The following ZNF608 variants were observed in gnomAD, a reference collection of about 807,000 sequenced individuals.
ZNF608 encodes the protein zinc finger protein 608, also known as renal carcinoma antigen NY-REN-36.
ZNF608 carries 12 observed loss-of-function variants against 109.0 expected under a neutral mutation model. The observed-to-expected ratio is 0.11, with a 90% CI of 0.07 to 0.18. ZNF608 has a LOEUF of 0.18. Among genes scored for constraint, ZNF608 ranks in the 10% least tolerant of loss-of-function variants. The pLI is 1.00. For synonymous variants in ZNF608, 732 were observed against 717.4 expected, an observed-to-expected ratio of 1.02 and a Z score of -0.33; for missense variants, 1,707 against 1,879.3, an observed-to-expected ratio of 0.91 and a Z score of 1.70.
intron 3 of ZNF608, among the ~76,000 whole-genome samples, chr5:124,672,675 T>A (rs549369720): frequency 6.6e-6 from 1 of 152,266 alleles, no homozygotes; most frequent in Non-Finnish European, 1.5e-5. Flanking sequence ...ACCAATAAAA[T>A]AAAAATACTG....
intron 3 of ZNF608, among the ~76,000 whole-genome samples, chr5:124,680,133 C>T (rs932045381): frequency 1.3e-5 from 2 of 151,480 alleles, no homozygotes; most frequent in African/African-American, 2.4e-5. Context: ...ATCGCTGAAG[C>T]CACATTTGAA....
At chr5:124,691,113 C>A (rs77046512) in intron 3 of ZNF608, among the ~76,000 whole-genome samples, 1,985 of 152,156 alleles carry the variant, frequency 0.013, 52 homozygotes, top group African/African-American at 0.045. Context: ...CATAGTGAGA[C>A]CCCCGTCTCA....
intron 2 of ZNF608, among the ~76,000 whole-genome samples, chr5:124,742,191 A>T (rs1749439743): frequency 6.6e-6 from 1 of 152,242 alleles, no homozygotes; most frequent in Non-Finnish European, 1.5e-5. Flanking sequence ...GAAAGTGAAA[A>T]GAACACACAA....
intron 7 of ZNF608, among the ~76,000 whole-genome samples, chr5:124,642,844 GC>G (rs1750310116): frequency 6.6e-6 from 1 of 151,738 alleles, no homozygotes; most frequent in Non-Finnish European, 1.5e-5. Context: ...GATTACAGGT[GC>G]CCACTACCAC....
intron 3 of ZNF608, among the ~76,000 whole-genome samples, chr5:124,694,619 C>A (rs942186693): frequency 1.3e-5 from 2 of 152,006 alleles, no homozygotes; most frequent in Non-Finnish European, 2.9e-5. Context: ...ATGTGCACAA[C>A]CTGCCAGTTT....
At chr5:124,695,149 G>A (rs1311813146) in intron 3 of ZNF608, among the ~76,000 whole-genome samples, 2 of 152,090 alleles carry the variant, frequency 1.3e-5, no homozygotes, top group Admixed American at 1.3e-4. Context: ...CCCCATTACT[G>A]CACTGTTATA....
In ZNF608 at chr5:124,663,239, G is replaced by A. The variant is rs77534570; in HGVS notation, c.1163-13542C>T. 8.9e-3 allele frequency among the ~76,000 whole-genome samples: 1,348 copies of A among 152,242 alleles called. 14 individuals carry two copies. The highest frequency in any genetic ancestry group is 0.017 in the Middle Eastern group (5 of 294). ...AGAATTATTGGTCCAAAGGCTTTCC[G>A]GTTTTCTTTGAAAGAGAAAACAGGC... On this transcript the variant is annotated intron_variant, in intron 3 of 9. Transcript: ENST00000513986.
chr5:124,649,223 A>G, intron 4 of ZNF608, 90 bp from the exon 5 acceptor site: 1 of 1,068,614 alleles, frequency 9.4e-7, no homozygotes, highest in Non-Finnish European at 1.3e-6. Flanking sequence ...AGAGGAGTCA[A>G]CACTCCAGTA....
chr5:124,693,589 T>A (rs950291877), intron 3 of ZNF608, among the ~76,000 whole-genome samples: 2 of 152,220 alleles, frequency 1.3e-5, no homozygotes, highest in African/African-American at 4.8e-5. Flanking sequence ...TAGCACCTAA[T>A]GTCACCACGA....
At chr5:124,650,848 T>G (rs1394772359) in intron 3 of ZNF608, among the ~76,000 whole-genome samples, 1 of 152,226 alleles carries the variant, frequency 6.6e-6, no homozygotes, top group African/African-American at 2.4e-5. Flanking sequence ...CCATTGCCAT[T>G]GTGAATTTTA....
intron 3 of ZNF608, among the ~76,000 whole-genome samples, chr5:124,684,299 G>T (rs1438514124): frequency 2.6e-5 from 4 of 152,102 alleles, no homozygotes; most frequent in African/African-American, 9.7e-5. Flanking sequence ...CTGAATTTCA[G>T]GTATCTTCAA....
At chr5:124,737,065 AT>A (rs1749188285) in intron 2 of ZNF608, among the ~76,000 whole-genome samples, 1 of 152,196 alleles carries the variant, frequency 6.6e-6, no homozygotes, top group South Asian at 2.1e-4. Context: ...AAGAAAACAC[AT>A]CAAAACCTTA....
intron 2 of ZNF608, among the ~76,000 whole-genome samples, chr5:124,716,654 A>G (rs1753715594): frequency 6.6e-6 from 1 of 152,196 alleles, no homozygotes; most frequent in African/African-American, 2.4e-5. Flanking sequence ...AAATTTTTTC[A>G]GGTAGCTTTA....
intron 5 of ZNF608, among the ~76,000 whole-genome samples, chr5:124,645,875 T>C (rs943596987): frequency 1.3e-5 from 2 of 152,082 alleles, no homozygotes; most frequent in African/African-American, 4.8e-5. Context: ...GAAAGAAATT[T>C]GGGCCCCAAA....
rs759686616 is a variant in ZNF608, at chr5:124,744,375, C to T, written c.615G>A (p.Lys205=). The change falls in exon 2 of 10, where the codon AAG becomes AAA. Residue 205 remains lysine, a synonymous_variant. Coordinates refer to ENST00000513986, the MANE Select transcript of ZNF608 (RefSeq NM_020747.3). The surrounding 1 kb of genome is among the most constrained non-coding windows in gnomAD (Gnocchi z 4.5). ...SQSSRGAKRD[K]DAGKSRKDKH... is the part of the protein sequence containing the mutation. ...TGTCCTTCCTGGATTTCCCCGCATC[C>T]TTATCCCGCTTGGCGCCTCGGCTGC... 6.2e-7 allele frequency: 1 copy of T among 1,614,274 alleles called. No homozygotes were observed. Among genetic ancestry groups the T allele is most frequent in the Non-Finnish European group, 8.5e-7 (1 of 1,180,054 alleles).
chr5:124,692,332 G>A (rs573988394), intron 3 of ZNF608, among the ~76,000 whole-genome samples: 17 of 152,270 alleles, frequency 1.1e-4, no homozygotes, highest in South Asian at 1.0e-3. Context: ...TTTGTTCCAC[G>A]AATTTATTCA....
At chr5:124,672,350 T>A (rs994208719) in intron 3 of ZNF608, among the ~76,000 whole-genome samples, 1 of 152,194 alleles carries the variant, frequency 6.6e-6, no homozygotes, top group Non-Finnish European at 1.5e-5. Flanking sequence ...TAACCAGAGT[T>A]GAAAACCACT....
At chr5:124,644,947 G>A (rs1426615958) in intron 5 of ZNF608, among the ~76,000 whole-genome samples, 1 of 152,142 alleles carries the variant, frequency 6.6e-6, no homozygotes. Flanking sequence ...TCGTGGAGCT[G>A]GGCTTCAAAC....
At chr5:124,716,060 C>G (rs371326183) in intron 2 of ZNF608, among the ~76,000 whole-genome samples, 11 of 150,024 alleles carry the variant, frequency 7.3e-5, no homozygotes, top group East Asian at 6.0e-4. Context: ...GGAGAATGGC[C>G]TGAACCCGGG....
Sources: allele counts gnomAD v4.1 joint callset (sites outside exome capture counted in the v4.1 genomes callset), GRCh38; gene constraint gnomAD v4.1.1; non-coding constraint Gnocchi (gnomAD v3.1); transcripts MANE v1.5; gene names NCBI Gene and HGNC (gene_info 2026-07-23, HGNC 2026-07-21).